SLC14A2: variants seen among roughly 807,000 people sequenced by gnomAD.
SLC14A2 encodes solute carrier family 14 member 2.
SLC14A2 carries 91 observed loss-of-function variants against 104.6 expected under a neutral mutation model. The observed-to-expected ratio is 0.87, with a 90% CI of 0.73 to 1.04. SLC14A2 has a LOEUF of 1.04. Ranked by LOEUF, SLC14A2 falls within the 50% of genes least tolerant of loss-of-function variation. The pLI is 0.00. For synonymous variants in SLC14A2, 476 were observed against 466.4 expected (o/e 1.02, Z -0.27); for missense variants, 1,189 against 1,156.0 (o/e 1.03, Z -0.41).
intron 1 of SLC14A2, among the ~76,000 whole-genome samples, chr18:45,460,483 G>T (rs1442501928): frequency 6.6e-6 from 1 of 152,196 alleles, no homozygotes; most frequent in Non-Finnish European, 1.5e-5. Flanking sequence ...CATGATAGAA[G>T]AATTTTCCTC....
At chr18:45,569,313 C>G (rs2044313195) in intron 2 of SLC14A2, among the ~76,000 whole-genome samples, 1 of 152,178 alleles carries the variant, frequency 6.6e-6, no homozygotes, top group Non-Finnish European at 1.5e-5. Flanking sequence ...TATAAATGCT[C>G]TCAACTATCT....
At chr18:45,201,775 G>T in the SLC14A2 span, among the ~76,000 whole-genome samples, 1 of 152,080 alleles carries the variant, frequency 6.6e-6, no homozygotes, top group Non-Finnish European at 1.5e-5. Context: ...ACTTATGAAA[G>T]ATTTGGTACT....
intron 1 of SLC14A2, among the ~76,000 whole-genome samples, chr18:45,357,227 T>C (rs1040353202): frequency 4.8e-5 from 7 of 147,056 alleles, no homozygotes; most frequent in South Asian, 4.3e-4. Flanking sequence ...GGCAGTGGCC[T>C]TGGGACACAA....
At chr18:45,207,411 GAA>G in the SLC14A2 span, among the ~76,000 whole-genome samples, 182 of 150,412 alleles carry the variant, frequency 1.2e-3, 1 homozygote, top group Admixed American at 1.9e-3. Context: ...AAAAGAGAGA[GAA>G]AGAGAGAAAG....
chr18:45,168,017 G>A, the SLC14A2 span, among the ~76,000 whole-genome samples: 3 of 152,118 alleles, frequency 2.0e-5, no homozygotes, highest in East Asian at 1.9e-4. Context: ...CTACTAACTC[G>A]GCATGGCCAG....
At chr18:45,241,567 C>T (rs546053158) in intron 1 of SLC14A2, among the ~76,000 whole-genome samples, 2 of 151,992 alleles carry the variant, frequency 1.3e-5, no homozygotes, top group African/African-American at 2.4e-5. Context: ...CAGAGGCTAC[C>T]ATCTCCAGGC....
intron 1 of SLC14A2, among the ~76,000 whole-genome samples, chr18:45,397,071 G>A (rs911143968): frequency 3.3e-5 from 5 of 152,128 alleles, no homozygotes; most frequent in South Asian, 4.1e-4. Context: ...TGTCATTGAC[G>A]GGCATTTAGG....
intron 2 of SLC14A2, among the ~76,000 whole-genome samples, chr18:45,523,617 G>A (rs2043549462): frequency 6.6e-6 from 1 of 151,280 alleles, no homozygotes; most frequent in African/African-American, 2.4e-5. Context: ...TTACAGGTGT[G>A]AGCCACCACA....
At chr18:45,560,246 T>G (rs1229432437) in intron 2 of SLC14A2, among the ~76,000 whole-genome samples, 2 of 152,132 alleles carry the variant, frequency 1.3e-5, no homozygotes, top group African/African-American at 4.8e-5. Flanking sequence ...CCAAGGTGTA[T>G]TATCTCTTTT....
chr18:45,416,865 T>G (rs1173420687), intron 1 of SLC14A2, among the ~76,000 whole-genome samples: 1 of 152,212 alleles, frequency 6.6e-6, no homozygotes, highest in East Asian at 1.9e-4. Context: ...AGATCATGTT[T>G]TAATACACAC....
chr18:45,433,615 A>G (rs2086552339), intron 1 of SLC14A2, among the ~76,000 whole-genome samples: 1 of 152,236 alleles, frequency 6.6e-6, no homozygotes, highest in Non-Finnish European at 1.5e-5. Flanking sequence ...GTGACACAAT[A>G]TCCAGCCATG....
intron 1 of SLC14A2, among the ~76,000 whole-genome samples, chr18:45,320,130 A>G (rs1341344736): frequency 6.6e-6 from 1 of 152,212 alleles, no homozygotes; most frequent in Non-Finnish European, 1.5e-5. Context: ...ATTAAAAAGT[A>G]CTTTCACAAG....
At chr18:45,344,207 T>G (rs540030342) in intron 1 of SLC14A2, among the ~76,000 whole-genome samples, 1 of 152,190 alleles carries the variant, frequency 6.6e-6, no homozygotes, top group African/African-American at 2.4e-5. Context: ...GATCTATTCA[T>G]TGGGGGACTA....
chr18:45,294,388 A>G (rs913223322), intron 1 of SLC14A2, among the ~76,000 whole-genome samples: 1 of 152,196 alleles, frequency 6.6e-6, no homozygotes, highest in African/African-American at 2.4e-5. Context: ...TGTCAATTTA[A>G]GGTGTGAATA....
chr18:45,573,334 A>C (rs10853533), intron 2 of SLC14A2, among the ~76,000 whole-genome samples: 13,226 of 152,286 alleles, frequency 0.087, 769 homozygotes, highest in Non-Finnish European at 0.13. Flanking sequence ...AAGAAGAGAG[A>C]TAGAAACAGG....
chr18:45,363,108 C>A (rs1202333201), intron 1 of SLC14A2, among the ~76,000 whole-genome samples: 1 of 152,170 alleles, frequency 6.6e-6, no homozygotes, highest in Non-Finnish European at 1.5e-5. Context: ...ATTTCCCAAA[C>A]CCCATTTCAC....
chr18:45,173,768 C>T, the SLC14A2 span, among the ~76,000 whole-genome samples: 1 of 152,160 alleles, frequency 6.6e-6, no homozygotes, highest in East Asian at 1.9e-4. Flanking sequence ...AAATGTATGG[C>T]TCTGTTTGCT....
At chr18:45,201,551 A>AGTGTGTGT in the SLC14A2 span, among the ~76,000 whole-genome samples, 93 of 149,612 alleles carry the variant, frequency 6.2e-4, no homozygotes, top group African/African-American at 2.0e-3. Flanking sequence ...GTATGTGTGT[A>AGTGTGTGT]GTGTGTGTGT....
chr18:45,200,278 G>T, the SLC14A2 span, among the ~76,000 whole-genome samples: 3 of 152,070 alleles, frequency 2.0e-5, no homozygotes, highest in Admixed American at 2.0e-4. Flanking sequence ...CCTAATTGTG[G>T]TCAATATGTA....
Sources: gnomAD v4.1 joint callset for allele counts (sites outside exome capture counted in the v4.1 genomes callset) on GRCh38, gnomAD v4.1.1 for gene constraint, MANE v1.5 for transcripts, NCBI Gene and HGNC (gene_info 2026-07-23, HGNC 2026-07-21) for gene names.